CHST9: variants seen among roughly 807,000 people sequenced by gnomAD.
CHST9 encodes GalNAc-4-sulfotransferase 2.
A neutral mutation model predicts 44.4 loss-of-function variants in CHST9; 41 were observed. That is an observed-to-expected ratio of 0.92 (90% CI 0.72 to 1.20). The LOEUF (loss-of-function observed/expected upper bound fraction) is 1.20, where lower values mean the gene tolerates loss of function less well. Ranked by LOEUF, CHST9 falls within the 50% of genes most tolerant of loss-of-function variation. CHST9 has a pLI of 0.00. For synonymous variants in CHST9, 171 were observed against 178.4 expected (o/e 0.96, Z 0.33); for missense variants, 504 against 516.5 (o/e 0.98, Z 0.23).
intron 3 of CHST9, among the ~76,000 whole-genome samples, chr18:27,047,274 G>A (rs1218309491): frequency 2.0e-5 from 3 of 151,906 alleles, no homozygotes; most frequent in South Asian, 2.1e-4. Context: ...CAGCATTATG[G>A]AAATAGCATT....
chr18:27,125,920 G>C (rs2058418848), intron 2 of CHST9, among the ~76,000 whole-genome samples: 1 of 152,078 alleles, frequency 6.6e-6, no homozygotes, highest in Non-Finnish European at 1.5e-5. Flanking sequence ...AGGGTAACAT[G>C]GAGAAAATAA....
intron 2 of CHST9, among the ~76,000 whole-genome samples, chr18:27,053,215 A>AAAG (rs2057598848): frequency 1.3e-5 from 1 of 78,408 alleles, no homozygotes; most frequent in African/African-American, 5.1e-5. Context: ...AAGAGGAGGA[A>AAAG]GAGGAAGAAG....
At chr18:27,045,770 T>C (rs955498555) in intron 3 of CHST9, among the ~76,000 whole-genome samples, 4 of 152,020 alleles carry the variant, frequency 2.6e-5, no homozygotes, top group African/African-American at 9.7e-5. Context: ...TGTGAAGTTA[T>C]TTCTGGCTTA....
chr18:27,171,628 G>A (rs530438279), intron 1 of CHST9, among the ~76,000 whole-genome samples: 388 of 152,254 alleles, frequency 2.5e-3, no homozygotes, highest in African/African-American at 8.8e-3. Flanking sequence ...TAAAGAGAAC[G>A]TGGTTGTTTT....
intron 2 of CHST9, among the ~76,000 whole-genome samples, chr18:27,103,485 A>G (rs1291664407): frequency 6.6e-6 from 1 of 152,210 alleles, no homozygotes; most frequent in Non-Finnish European, 1.5e-5. Context: ...ATCAAGGTGA[A>G]TGAAAATCTA....
chr18:27,175,696 T>C (rs2058862839), intron 1 of CHST9, among the ~76,000 whole-genome samples: 1 of 152,066 alleles, frequency 6.6e-6, no homozygotes, highest in South Asian at 2.1e-4. Flanking sequence ...TATAACTTTG[T>C]ACATGTGGAG....
chr18:27,001,000 G>A (rs572937157), intron 4 of CHST9, among the ~76,000 whole-genome samples: 168 of 152,294 alleles, frequency 1.1e-3, no homozygotes, highest in Non-Finnish European at 2.1e-3. Flanking sequence ...CTTGGGATAT[G>A]AGCAACCCAC....
Position 26,915,018 on chromosome 18 carries a change from A to C in CHST9, c.*1241T>G. On this transcript the variant is annotated 3_prime_UTR_variant, in exon 6 of 6. Transcript: ENST00000618847. ...ATCTAATTTAGGATCCCTTGGAAAA[A>C]AATTCCAAAATGCATTACAACTATT... 2.5e-6 allele frequency: 1 copy of C among 397,822 alleles called. No individual in the cohort carries two copies. Among genetic ancestry groups the C allele is most frequent in the East Asian group, 3.6e-5 (1 of 28,002 alleles). 24.6% of individuals were successfully genotyped at this position (397,822 alleles called of 1,614,324 possible).
chr18:27,155,614 A>G (rs1271161065), intron 1 of CHST9, among the ~76,000 whole-genome samples: 2 of 152,182 alleles, frequency 1.3e-5, no homozygotes, highest in African/African-American at 4.8e-5. Flanking sequence ...ACACTTTCGA[A>G]TTATTGAAAA....
chr18:27,089,609 G>A (rs1171887613), intron 2 of CHST9, among the ~76,000 whole-genome samples: 1 of 152,132 alleles, frequency 6.6e-6, no homozygotes, highest in African/African-American at 2.4e-5. Flanking sequence ...ATGTGCATAT[G>A]TCTTTATAGT....
chr18:27,009,430 C>T (rs754804356), intron 4 of CHST9, among the ~76,000 whole-genome samples: 3 of 152,238 alleles, frequency 2.0e-5, no homozygotes, highest in Admixed American at 6.5e-5. Context: ...AATTTGAATT[C>T]GTTGTTCATG....
intron 4 of CHST9, among the ~76,000 whole-genome samples, chr18:27,008,376 T>G (rs543971301): frequency 1.1e-4 from 16 of 152,344 alleles, no homozygotes; most frequent in Admixed American, 7.2e-4. Context: ...CAAGCAGTAC[T>G]TTTAAGCATT....
intron 4 of CHST9, among the ~76,000 whole-genome samples, chr18:26,966,880 T>TA (rs35286743): frequency 0.26 from 33,821 of 128,546 alleles, 4,297 homozygotes; most frequent in Middle Eastern, 0.36. Context: ...TTACTTTCTT[T>TA]AAAAAAAAAA....
Position 26,916,778 on chromosome 18 carries a change from A to C in CHST9, c.813T>G (p.Asn271Lys). The C allele has an allele frequency of 6.2e-7, 1 of 1,613,864 alleles. No homozygotes were observed. Among genetic ancestry groups the C allele is most frequent in the Non-Finnish European group, 8.5e-7 (1 of 1,179,844 alleles). ...FDLKGIYTRL[N>K]TYTKAVFVRD... ...GAACAAACACAGCTTTGGTGTAAGTATTTAAGCGGGTATATATCCCTTTTA... is the reference window on the plus strand; with the variant it reads ...GAACAAACACAGCTTTGGTGTAAGTCTTTAAGCGGGTATATATCCCTTTTA... The change falls in exon 6 of 6, where the codon AAT becomes AAG. Residue 271 changes from asparagine to lysine, a missense_variant. Physicochemically the swap from Asn to Lys is moderately conservative, Grantham distance 94 (BLOSUM62 0). Transcript: ENST00000618847.
chr18:27,019,254 C>A (rs564978870), intron 4 of CHST9, among the ~76,000 whole-genome samples: 8 of 152,310 alleles, frequency 5.3e-5, no homozygotes, highest in Non-Finnish European at 1.2e-4. Context: ...CCACAGTAGC[C>A]TGCAAGGATT....
chr18:26,944,251 G>T, intron 5 of CHST9, 78 bp downstream of exon 5: 1 of 1,086,284 alleles, frequency 9.2e-7, no homozygotes, highest in Non-Finnish European at 1.4e-6. Flanking sequence ...ATTACCCCCT[G>T]CCTTTTTTAT....
chr18:27,120,129 C>T (rs2058362114), intron 2 of CHST9, among the ~76,000 whole-genome samples: 1 of 152,122 alleles, frequency 6.6e-6, no homozygotes, highest in South Asian at 2.1e-4. Context: ...TACACTAGTA[C>T]AAGTATTAGT....
intron 4 of CHST9, among the ~76,000 whole-genome samples, chr18:27,000,468 A>T (rs922153581): frequency 3.9e-4 from 59 of 152,354 alleles, no homozygotes; most frequent in Middle Eastern, 3.4e-3. Flanking sequence ...ATCTAAAATA[A>T]TATATCTATT....
At chr18:27,078,038 C>T (rs1223173683) in intron 2 of CHST9, among the ~76,000 whole-genome samples, 1 of 152,178 alleles carries the variant, frequency 6.6e-6, no homozygotes, top group Admixed American at 6.5e-5. Flanking sequence ...ATCACAACAA[C>T]AGCAAGGGGG....
Sources: gnomAD v4.1 joint callset for allele counts (sites outside exome capture counted in the v4.1 genomes callset) on GRCh38, gnomAD v4.1.1 for gene constraint, MANE v1.5 for transcripts, NCBI Gene and HGNC (gene_info 2026-07-23, HGNC 2026-07-21) for gene names.